The following ACOX1 variants were observed in gnomAD, a reference collection of about 807,000 sequenced individuals.
ACOX1 encodes the protein peroxisomal acyl-coenzyme A oxidase 1.
Under a neutral mutation model 75.5 loss-of-function variants are expected in ACOX1, and 41 were observed. The ratio of observed to expected loss-of-function variants is 0.54; its 90% CI spans 0.42 to 0.70. The LOEUF (loss-of-function observed/expected upper bound fraction) is 0.70, where lower values mean the gene tolerates loss of function less well. ACOX1 is among the 30% of genes least tolerant of loss of function. The pLI, the probability that ACOX1 is intolerant of heterozygous loss-of-function variation, is 0.00. For synonymous variants in ACOX1, 303 were observed against 298.8 expected (o/e 1.01, Z -0.15); for missense variants, 630 against 837.5 (o/e 0.75, Z 3.06).
At position 75,960,180 on chromosome 17, in the gene ACOX1, C is replaced by A; in HGVS notation, c.430+35G>T. The A allele has an allele frequency of 6.2e-7, 1 of 1,613,182 alleles. No homozygotes were observed. Among genetic ancestry groups the A allele is most frequent in the South Asian group, 1.1e-5 (1 of 90,986 alleles). On this transcript the variant is annotated intron_variant, in intron 3 of 13. Coordinates refer to ENST00000293217, the MANE Select transcript of ACOX1 (RefSeq NM_004035.7). This position sits in a 1 kb window ranked among gnomAD's most constrained non-coding sequence, Gnocchi z 4.4. ...CACACATGGTAAGCTCACAGGGGCC[C>A]GCCCAACCCAGAAGGTAGACTGAAT...
At chr17:75,973,852 C>A (rs2066019831) in intron 2 of ACOX1, 2 of 1,543,264 alleles carry the variant, frequency 1.3e-6, no homozygotes, top group South Asian at 1.2e-5. Context: ...CCCCTTCTTG[C>A]CAAACAGCTT....
At chr17:75,967,281 CAA>C (rs2144293121) in intron 2 of ACOX1, among the ~76,000 whole-genome samples, 1 of 151,928 alleles carries the variant, frequency 6.6e-6, no homozygotes, top group Non-Finnish European at 1.5e-5. Context: ...CCATCCTGAC[CAA>C]CATGGTGAAA....
Position 75,944,433 on chromosome 17 carries a change from C to G in ACOX1, c.*2315G>C, listed in dbSNP as rs987709967. On this transcript the variant is annotated 3_prime_UTR_variant, in exon 14 of 14. Coordinates refer to ENST00000293217, the MANE Select transcript of ACOX1 (RefSeq NM_004035.7). ...GCCAACAAATGTGTACCAAGTACTTCCAAGGACTCCTAAAGTGACTGGAGC... is the reference window on the plus strand; with the variant it reads ...GCCAACAAATGTGTACCAAGTACTTGCAAGGACTCCTAAAGTGACTGGAGC... 5 of 152,116 alleles carry G rather than the reference C, an allele frequency of 3.3e-5. No homozygotes were observed. Among genetic ancestry groups the G allele is most frequent in the African/African-American group, 1.2e-4 (5 of 41,428 alleles). 9.4% of individuals were successfully genotyped at this position (152,116 alleles called of 1,614,324 possible).
chr17:75,947,448 T>C (rs1417518598), intron 13 of ACOX1, among the ~76,000 whole-genome samples: 1 of 152,076 alleles, frequency 6.6e-6, no homozygotes, highest in African/African-American at 2.4e-5. Flanking sequence ...GGTTTCTCCA[T>C]GTTGGTCAGG....
At position 75,978,908 on chromosome 17, in the gene ACOX1, CGAGGGAGTCTCCAGCTTTTCTCGGGAAAG is replaced by C. The variant is rs765704088; in HGVS notation, c.109+28_109+56del. 2 of 1,603,676 alleles carry C rather than the reference CGAGGGAGTCTCCAGCTTTTCTCGGGAAAG, an allele frequency of 1.2e-6. No homozygotes were observed. The highest frequency in any genetic ancestry group is 2.2e-5 in the South Asian group (2 of 91,046). The stretch of plus-strand genomic sequence containing the variant: ...CCCCACAGCGCCCCTGACTCCGCAT[CGAGGGAGTCTCCAGCTTTTCTCGGGAAAG>C]GAGGGAGGTCTCGCCCGCCGCCCTC... On this transcript the variant is annotated intron_variant, in intron 1 of 13. Coordinates refer to ENST00000293217, the MANE Select transcript of ACOX1 (RefSeq NM_004035.7). This position sits in a 1 kb window ranked among gnomAD's most constrained non-coding sequence, Gnocchi z 4.2.
chr17:75,964,178 C>T (rs1331179624), intron 2 of ACOX1, among the ~76,000 whole-genome samples: 7 of 84,504 alleles, frequency 8.3e-5, no homozygotes, highest in Non-Finnish European at 1.7e-4. Flanking sequence ...GACTCCATCT[C>T]AAAAAAAAAA....
At chr17:75,955,277 C>T (rs1039987390) in intron 6 of ACOX1, among the ~76,000 whole-genome samples, 2 of 152,068 alleles carry the variant, frequency 1.3e-5, no homozygotes, top group East Asian at 1.9e-4. Flanking sequence ...ATCCTCCCAC[C>T]CCAGTCTCCC....
chr17:75,972,344 A>AAG (rs1555619544), intron 2 of ACOX1, among the ~76,000 whole-genome samples: 2,442 of 134,380 alleles, frequency 0.018, 49 homozygotes, highest in East Asian at 0.09. Context: ...AAAAAAAAAA[A>AAG]GGAAGGATCT....
rs1346654903 is a variant in ACOX1 at position 75,946,145 on chromosome 17, T to A, written c.*603A>T. On this transcript the variant is annotated 3_prime_UTR_variant, in exon 14 of 14. Coordinates refer to ENST00000293217, the MANE Select transcript of ACOX1 (RefSeq NM_004035.7). ...GGCCCGTGCGGAATAAGTTCCCTCG[T>A]TGGAAAAATGCTAGCATGAATAGTT... is the stretch of plus-strand genomic sequence containing the variant. The A allele has an allele frequency of 6.3e-6, 1 of 158,752 alleles. No homozygotes were observed. Among genetic ancestry groups the A allele is most frequent in the East Asian group, 1.8e-4 (1 of 5,500 alleles). 9.8% of individuals were successfully genotyped at this position (158,752 alleles called of 1,614,324 possible).
At chr17:75,953,420 G>T in intron 7 of ACOX1, 31 bp downstream of exon 7, 1 of 1,611,170 alleles carries the variant, frequency 6.2e-7, no homozygotes, top group Non-Finnish European at 8.5e-7. Flanking sequence ...TAGGCCTTTG[G>T]TACTGAGCCC....
rs1665849414 is a variant in ACOX1, at chr17:75,960,192, A to T, written c.430+23T>A. On this transcript the variant is annotated intron_variant, in intron 3 of 13. Coordinates refer to ENST00000293217, the MANE Select transcript of ACOX1 (RefSeq NM_004035.7). The surrounding 1 kb of genome is among the most constrained non-coding windows in gnomAD (Gnocchi z 4.4). ...GCTCACAGGGGCCCGCCCAACCCAG[A>T]AGGTAGACTGAATACTCCATACCAT... is the stretch of plus-strand genomic sequence containing the variant. 1.9e-6 allele frequency: 3 copies of T among 1,613,836 alleles called. No homozygotes were observed. The highest frequency in any genetic ancestry group is 2.5e-6 in the Non-Finnish European group (3 of 1,179,854).
At chr17:75,972,082 T>TA (rs1380352283) in intron 2 of ACOX1, among the ~76,000 whole-genome samples, 1 of 152,040 alleles carries the variant, frequency 6.6e-6, no homozygotes, top group East Asian at 1.9e-4. Context: ...TCATGCCTTG[T>TA]AATCCCAGGA....
Position 75,943,255 on chromosome 17 carries a change from CAGT to C in ACOX1, c.*3490_*3492del, listed in dbSNP as rs1310703318. 3 of 151,024 alleles carry C rather than the reference CAGT, an allele frequency of 2.0e-5. No individual in the cohort carries two copies. Among genetic ancestry groups the C allele is most frequent in the Non-Finnish European group, 4.4e-5 (3 of 67,930 alleles). The allele number at this position is 151,024 out of a possible 1,614,324, so 9.4% of individuals were successfully genotyped here. On this transcript the variant is annotated 3_prime_UTR_variant, in exon 14 of 14. Transcript: ENST00000293217. The stretch of plus-strand genomic sequence containing the variant: ...AAAAAATTAACATGTTGGCCCAGTG[CAGT>C]AGCTCACTCCTGTAATCCCAACCCT...
Position 75,978,576 on chromosome 17 carries a change from T to C in ACOX1, c.227A>G (p.Glu76Gly). 1.9e-6 allele frequency: 3 copies of C among 1,614,158 alleles called. No homozygotes were observed. The highest frequency in any genetic ancestry group is 1.7e-6 in the Non-Finnish European group (2 of 1,180,024). Residue 76 changes from glutamate (E) to glycine (G), a missense_variant, in exon 2 of 14, where the codon GAG (glutamate) becomes GGG (glycine). Physicochemically the swap from Glu to Gly is moderately conservative, Grantham distance 98 (BLOSUM62 -2). Coordinates refer to ENST00000293217, the MANE Select transcript of ACOX1 (RefSeq NM_004035.7). This position sits in a 1 kb window ranked among gnomAD's most constrained non-coding sequence, Gnocchi z 4.2. Reference protein sequence around the residue: ...KSAIMVKKMREFGIADPDEIM... With the variant: ...KSAIMVKKMRGFGIADPDEIM... The stretch of plus-strand genomic sequence containing the variant: ...TTCATCAGGGTCAGCGATGCCAAAC[T>C]CCCTCATCTTCTTCACCATGATGGC...
chr17:75,953,287 C>G, intron 7 of ACOX1, 164 bp downstream of exon 7: 2 of 732,094 alleles, frequency 2.7e-6, no homozygotes, highest in Non-Finnish European at 2.3e-6. Flanking sequence ...TGTCTTTCCT[C>G]TTAAGAAAAG....
chr17:75,961,151 G>A (rs1246102654), intron 2 of ACOX1, among the ~76,000 whole-genome samples: 4 of 150,346 alleles, frequency 2.7e-5, no homozygotes, highest in Non-Finnish European at 5.9e-5. Context: ...AAATTAAGCA[G>A]GCATGGTGGT....
intron 2 of ACOX1, among the ~76,000 whole-genome samples, chr17:75,965,802 C>T (rs2065926738): frequency 6.6e-6 from 1 of 152,054 alleles, no homozygotes; most frequent in African/African-American, 2.4e-5. Flanking sequence ...CTCTGCACTC[C>T]AGCCTGGGCA....
At chr17:75,961,350 T>C (rs945927105) in intron 2 of ACOX1, among the ~76,000 whole-genome samples, 1 of 146,638 alleles carries the variant, frequency 6.8e-6, no homozygotes, top group Non-Finnish European at 1.5e-5. Flanking sequence ...CCAGGCATGG[T>C]GGCTCATGCC....
chr17:75,958,532 G>A (rs1364294418), intron 3 of ACOX1, among the ~76,000 whole-genome samples: 2 of 146,758 alleles, frequency 1.4e-5, no homozygotes, highest in Admixed American at 1.3e-4. Context: ...ATTAAAGCTG[G>A]GCACGGTGGC....
Sources: allele counts gnomAD v4.1 joint callset (sites outside exome capture counted in the v4.1 genomes callset), GRCh38; gene constraint gnomAD v4.1.1; non-coding constraint Gnocchi (gnomAD v3.1); transcripts MANE v1.5; gene names NCBI Gene and HGNC (gene_info 2026-07-23, HGNC 2026-07-21).